The following ACOT12 variants were observed in gnomAD, a reference collection of about 807,000 sequenced individuals.
ACOT12 encodes the protein acyl-CoA thioesterase 12.
A neutral mutation model predicts 67.7 loss-of-function variants in ACOT12; 51 were observed. The ratio of observed to expected loss-of-function variants is 0.75; its 90% CI spans 0.60 to 0.95. The LOEUF (loss-of-function observed/expected upper bound fraction) is 0.95. Among genes scored for constraint, ACOT12 ranks in the 40% least tolerant of loss-of-function variants. ACOT12 has a pLI of 0.00. For synonymous variants in ACOT12, 251 were observed against 244.6 expected, an observed-to-expected ratio of 1.03 and a Z score of -0.24; for missense variants, 734 against 708.1, an observed-to-expected ratio of 1.04 and a Z score of -0.41.
intron 11 of ACOT12, among the ~76,000 whole-genome samples, chr5:81,338,321 G>A (rs538864620): frequency 1.2e-3 from 187 of 152,290 alleles, no homozygotes; most frequent in African/African-American, 4.1e-3. Context: ...GCTGGAGCAG[G>A]GACCTGGTGG....
At chr5:81,363,960 A>C in intron 3 of ACOT12, 71 bp from the exon 4 acceptor site, 1 of 980,980 alleles carries the variant, frequency 1.0e-6, no homozygotes, top group Non-Finnish European at 1.4e-6. Context: ...ATTTAGTCAT[A>C]TGTATGCACC....
At chr5:81,312,026 A>G in the ACOT12 span, among the ~76,000 whole-genome samples, 6 of 152,166 alleles carry the variant, frequency 3.9e-5, no homozygotes, top group African/African-American at 1.4e-4. Context: ...TAAATTTGAA[A>G]ACCAAGAGTT....
chr5:81,370,254 C>T (rs1760208102), intron 3 of ACOT12, among the ~76,000 whole-genome samples: 1 of 152,240 alleles, frequency 6.6e-6, no homozygotes, highest in African/African-American at 2.4e-5. Context: ...AGCCTGGCAA[C>T]AGAGTGAGGC....
chr5:81,344,488 C>A (rs944293950), intron 8 of ACOT12, among the ~76,000 whole-genome samples: 3 of 152,182 alleles, frequency 2.0e-5, no homozygotes, highest in Non-Finnish European at 1.5e-5. Context: ...ATACTTAATT[C>A]TCACTACAGA....
At chr5:81,379,318 G>A (rs571942213) in intron 2 of ACOT12, among the ~76,000 whole-genome samples, 9 of 150,272 alleles carry the variant, frequency 6.0e-5, no homozygotes, top group African/African-American at 2.2e-4. Flanking sequence ...CATCACACAC[G>A]GGGGTCTGTC....
At chr5:81,378,693 A>G (rs1351086763) in intron 2 of ACOT12, among the ~76,000 whole-genome samples, 1 of 152,242 alleles carries the variant, frequency 6.6e-6, no homozygotes, top group Admixed American at 6.5e-5. Context: ...GATACTTCTC[A>G]AAAGAAGATA....
rs371075876 is a variant in ACOT12, at chr5:81,331,405, C to T, written c.1392-465G>A. On this transcript the variant is annotated intron_variant, in intron 13 of 14. Coordinates refer to ENST00000307624, the MANE Select transcript of ACOT12 (RefSeq NM_130767.3). ...ATATAAAATTAGCTGACCATGGTGGCGCATGCCTGTAATCCCAGCTACTTG... is the reference window on the plus strand; with the variant it reads ...ATATAAAATTAGCTGACCATGGTGGTGCATGCCTGTAATCCCAGCTACTTG... Among the ~76,000 whole-genome samples, 68 of 152,284 alleles carry T rather than the reference C, an allele frequency of 4.5e-4. 2 individuals carry two copies. Among genetic ancestry groups the T allele is most frequent in the South Asian group, 2.1e-3 (10 of 4,822 alleles).
At position 81,344,169 on chromosome 5, in the gene ACOT12, C is replaced by T. The variant is rs377749793; in HGVS notation, c.971G>A (p.Arg324His). ...ACCTTATGTTCCTTACCTGCCTAGG[C>T]GAATTCGCTTGCGTGCAATAGCTCC... ...YRGAIARKRIRLGRKYVISHK... is the reference protein window; with the variant it reads ...YRGAIARKRIHLGRKYVISHK... Residue 324 changes from arginine (R) to histidine (H), a missense_variant, in exon 9 of 15, where the codon CGC becomes CAC. Arg to His is a conservative substitution (Grantham distance 29). Transcript: ENST00000307624. 28 of 1,613,540 alleles carry T rather than the reference C, an allele frequency of 1.7e-5. No homozygotes were observed. Among genetic ancestry groups the T allele is most frequent in the Middle Eastern group, 1.6e-4 (1 of 6,082 alleles).
At chr5:81,332,076 G>T (rs887141622) in intron 13 of ACOT12, among the ~76,000 whole-genome samples, 7 of 152,330 alleles carry the variant, frequency 4.6e-5, no homozygotes, top group African/African-American at 1.7e-4. Flanking sequence ...ACTATGTCTG[G>T]ATACTCTGAT....
intron 6 of ACOT12, among the ~76,000 whole-genome samples, chr5:81,347,444 T>G (rs1019234282): frequency 1.3e-5 from 2 of 152,226 alleles, no homozygotes; most frequent in Non-Finnish European, 2.9e-5. Context: ...AAGCCTGTCT[T>G]CTATTTCTGT....
At chr5:81,364,501 C>T (rs543145628) in intron 3 of ACOT12, among the ~76,000 whole-genome samples, 1 of 151,796 alleles carries the variant, frequency 6.6e-6, no homozygotes, top group African/African-American at 2.4e-5. Context: ...GATCTTGGCT[C>T]ACTGCAACCT....
chr5:81,309,477 C>G, the ACOT12 span, among the ~76,000 whole-genome samples: 1 of 152,086 alleles, frequency 6.6e-6, no homozygotes, highest in South Asian at 2.1e-4. Flanking sequence ...AGTTATTTGT[C>G]TGGTATGGGA....
intron 3 of ACOT12, among the ~76,000 whole-genome samples, chr5:81,366,947 G>A (rs1262245853): frequency 6.6e-6 from 1 of 152,072 alleles, no homozygotes; most frequent in East Asian, 1.9e-4. Flanking sequence ...TCCAAAAGGA[G>A]AGAGAGCACA....
chr5:81,393,766 TG>T (rs1026841354), intron 1 of ACOT12, among the ~76,000 whole-genome samples: 30 of 152,068 alleles, frequency 2.0e-4, no homozygotes, highest in Non-Finnish European at 2.9e-5. Flanking sequence ...GCTCCTCACT[TG>T]TTTAATGGAA....
At chr5:81,368,094 C>T (rs1047583645) in intron 3 of ACOT12, among the ~76,000 whole-genome samples, 1 of 152,114 alleles carries the variant, frequency 6.6e-6, no homozygotes, top group African/African-American at 2.4e-5. Flanking sequence ...GAGTTCAAGA[C>T]CAGCCTGGCC....
At chr5:81,348,855 C>T (rs531584163) in intron 5 of ACOT12, among the ~76,000 whole-genome samples, 14 of 152,360 alleles carry the variant, frequency 9.2e-5, no homozygotes, top group African/African-American at 2.9e-4. Flanking sequence ...TGAGCCACCG[C>T]GCCTAGCTTT....
chr5:81,386,994 C>CTTTTTTTTTTTTTTTTTT (rs1052387807), intron 1 of ACOT12, among the ~76,000 whole-genome samples: 4 of 128,480 alleles, frequency 3.1e-5, no homozygotes, highest in South Asian at 2.4e-4. Context: ...GGATGAGTTC[C>CTTTTTTTTTTTTTTTTTT]ATTTTTTTTT....
the ACOT12 span, among the ~76,000 whole-genome samples, chr5:81,322,625 C>T: frequency 3.3e-5 from 5 of 151,978 alleles, no homozygotes; most frequent in African/African-American, 1.2e-4. Context: ...GGGAGTAAGC[C>T]TTGGTGTATT....
intron 2 of ACOT12, among the ~76,000 whole-genome samples, chr5:81,376,002 A>C (rs970516563): frequency 1.3e-5 from 2 of 152,200 alleles, no homozygotes; most frequent in African/African-American, 4.8e-5. Context: ...ATAGACACCT[A>C]CAAAACTCTC....
Sources: allele counts gnomAD v4.1 joint callset (sites outside exome capture counted in the v4.1 genomes callset), GRCh38; gene constraint gnomAD v4.1.1; transcripts MANE v1.5; gene names NCBI Gene and HGNC (gene_info 2026-07-23, HGNC 2026-07-21).